STPG4: variants seen among roughly 807,000 people sequenced by gnomAD.
The protein encoded by STPG4 is sperm-tail PG-rich repeat containing 4.
A neutral mutation model predicts 31.5 loss-of-function variants in STPG4; 41 were observed. The ratio of observed to expected loss-of-function variants is 1.30; its 90% CI spans 1.01 to 1.69. The LOEUF (loss-of-function observed/expected upper bound fraction) is 1.69, where lower values mean the gene tolerates loss of function less well. Among genes scored for constraint, STPG4 ranks in the 40% most tolerant of loss-of-function variants. STPG4 has a pLI of 0.00. For missense variants in STPG4, 375 were observed against 293.4 expected, an observed-to-expected ratio of 1.28 and a Z score of -2.03; for synonymous variants, 141 against 103.0, an observed-to-expected ratio of 1.37 and a Z score of -2.24.
chr2:47,119,466 A>G (rs1686222724), intron 5 of STPG4, among the ~76,000 whole-genome samples: 1 of 152,322 alleles, frequency 6.6e-6, no homozygotes, highest in South Asian at 2.1e-4. Context: ...TACCAAGTAG[A>G]TTGTCCTGCC....
At chr2:47,102,384 G>A (rs1213721387) in intron 5 of STPG4, among the ~76,000 whole-genome samples, 2 of 151,856 alleles carry the variant, frequency 1.3e-5, no homozygotes, top group Non-Finnish European at 2.9e-5. Context: ...CCCTGAAAAA[G>A]AGGCAGCTCA....
intron 3 of STPG4, among the ~76,000 whole-genome samples, chr2:47,146,338 C>T (rs112939021): frequency 6.6e-5 from 10 of 152,018 alleles, no homozygotes; most frequent in African/African-American, 2.4e-4. Context: ...CAGAACAGCC[C>T]CCCGCCCCAC....
chr2:47,115,772 CCTTCCTAGTTGCTGGGATTACAGG>C (rs1686140960), intron 5 of STPG4, among the ~76,000 whole-genome samples: 1 of 151,442 alleles, frequency 6.6e-6, no homozygotes, highest in South Asian at 2.1e-4. Flanking sequence ...TCTGTCTCAG[CCTTCCTAGTTGCTGGGATTACAGG>C]CGCACGCTGC....
At chr2:47,096,940 TG>T (rs906715725) in intron 5 of STPG4, among the ~76,000 whole-genome samples, 1 of 152,112 alleles carries the variant, frequency 6.6e-6, no homozygotes, top group Non-Finnish European at 1.5e-5. Flanking sequence ...GGAGGGCTTA[TG>T]GTGAGTTCAC....
At chr2:47,121,920 G>T (rs1686280043) in intron 5 of STPG4, among the ~76,000 whole-genome samples, 1 of 149,592 alleles carries the variant, frequency 6.7e-6, no homozygotes, top group Non-Finnish European at 1.5e-5. Flanking sequence ...TGGAGTACAG[G>T]ATAATCTCCC....
chr2:47,096,173 T>C (rs777985739), intron 5 of STPG4, among the ~76,000 whole-genome samples: 3 of 152,192 alleles, frequency 2.0e-5, no homozygotes, highest in Non-Finnish European at 2.9e-5. Context: ...CCTCACATCC[T>C]AGCAAGGAAG....
rs145905261 is a variant in STPG4, at chr2:47,116,559, T to A, written c.519+13382A>T. On this transcript the variant is annotated intron_variant, in intron 5 of 6. Transcript: ENST00000445927. ...CTACTGTCTAAAAGCATAGCACACG[T>A]GTTCCATGCACTGAAAGAACAGTTA... 8.5e-5 allele frequency among the ~76,000 whole-genome samples: 13 copies of A among 152,342 alleles called. No individual in the cohort carries two copies. In the East Asian group the frequency reaches 2.5e-3, roughly 29 times the overall value.
chr2:47,141,202 T>C (rs765710394), intron 3 of STPG4, among the ~76,000 whole-genome samples: 4 of 152,152 alleles, frequency 2.6e-5, no homozygotes, highest in South Asian at 2.1e-4. Flanking sequence ...CAGGTCTTGA[T>C]AGAAATTTCT....
chr2:47,090,347 T>C lies in STPG4; in HGVS notation c.547A>G (p.Asn183Asp), dbSNP rs1270037045. The C allele has an allele frequency of 1.9e-6, 3 of 1,551,860 alleles. No individual in the cohort carries two copies. Among genetic ancestry groups the C allele is most frequent in the Non-Finnish European group, 2.6e-6 (3 of 1,146,868 alleles). Residue 183 changes from asparagine (N) to aspartate (D), a missense_variant, in exon 6 of 7, where the codon AAT becomes GAT. Coordinates refer to ENST00000445927, the MANE Select transcript of STPG4 (RefSeq NM_001163561.2). ...PHEGPGPGHY[N>D]VKMPPTSSVT... ...GAGCTTGTTGGAGGCATTTTCACAT[T>C]ATAATGACCTGGACCAGGGCCTTCA...
At chr2:47,107,379 T>C (rs1440884210) in intron 5 of STPG4, among the ~76,000 whole-genome samples, 1 of 152,104 alleles carries the variant, frequency 6.6e-6, no homozygotes, top group African/African-American at 2.4e-5. Context: ...TCGGAGCAGC[T>C]GGCCGGCCCT....
chr2:47,095,062 C>G (rs1312550867), intron 5 of STPG4, among the ~76,000 whole-genome samples: 1 of 152,216 alleles, frequency 6.6e-6, no homozygotes, highest in Non-Finnish European at 1.5e-5. Flanking sequence ...GTAGATGAAA[C>G]TGTCCCAAGT....
At chr2:47,091,363 G>A (rs1685566345) in intron 5 of STPG4, among the ~76,000 whole-genome samples, 1 of 152,220 alleles carries the variant, frequency 6.6e-6, no homozygotes, top group African/African-American at 2.4e-5. Flanking sequence ...GTTATTGGTT[G>A]TTGCAGGAAA....
chr2:47,113,011 AAAT>A (rs1686074031), intron 5 of STPG4, among the ~76,000 whole-genome samples: 1 of 132,590 alleles, frequency 7.5e-6, no homozygotes. Flanking sequence ...AAAAAAAAAA[AAAT>A]CACAAGTAAA....
At chr2:47,142,350 A>G (rs1423347373) in intron 3 of STPG4, among the ~76,000 whole-genome samples, 1 of 152,144 alleles carries the variant, frequency 6.6e-6, no homozygotes, top group South Asian at 2.1e-4. Context: ...CCATCTTCCA[A>G]GGCAATGCTA....
intron 3 of STPG4, among the ~76,000 whole-genome samples, chr2:47,147,300 G>C (rs1349721393): frequency 1.3e-5 from 2 of 152,190 alleles, no homozygotes; most frequent in African/African-American, 4.8e-5. Context: ...ACCCAGGGTT[G>C]TGGCTTTGCC....
At chr2:47,151,900 C>T (rs956779039) in intron 2 of STPG4, among the ~76,000 whole-genome samples, 1 of 138,402 alleles carries the variant, frequency 7.2e-6, no homozygotes, top group African/African-American at 2.6e-5. Context: ...GCCACTACGC[C>T]CGGCTAGTTT....
At chr2:47,115,651 G>GTTTTTT (rs1558678003) in intron 5 of STPG4, among the ~76,000 whole-genome samples, 1 of 90,406 alleles carries the variant, frequency 1.1e-5, no homozygotes, top group African/African-American at 3.5e-5. Flanking sequence ...CACATTAAAG[G>GTTTTTT]CTTTTTTTTT....
At chr2:47,149,320 A>T (rs1686892896) in intron 3 of STPG4, among the ~76,000 whole-genome samples, 1 of 152,236 alleles carries the variant, frequency 6.6e-6, no homozygotes, top group Admixed American at 6.5e-5. Context: ...TCTCCTTTCA[A>T]CACTGGGCCT....
chr2:47,155,188 A>G lies in STPG4; in HGVS notation c.64T>C (p.Ser22Pro). The change falls in exon 1 of 7, where the codon TCA becomes CCA. Residue 22 changes from serine to proline, a missense_variant. By Grantham distance (74) the Ser-to-Pro change is moderately conservative. Transcript: ENST00000445927. ...CATCTTACCGAAGCTGTGATGAATG[A>G]TTCTCCACCCACCAGGTCTTCCCTT... ...SIREDLVGGESFITASKPAQK... is the reference protein window; with the variant it reads ...SIREDLVGGEPFITASKPAQK... 2 of 1,614,094 alleles carry G rather than the reference A, an allele frequency of 1.2e-6. No homozygotes were observed. The highest frequency in any genetic ancestry group is 1.7e-6 in the Non-Finnish European group (2 of 1,180,010).
Sources: gnomAD v4.1 joint callset for allele counts (sites outside exome capture counted in the v4.1 genomes callset) on GRCh38, gnomAD v4.1.1 for gene constraint, MANE v1.5 for transcripts, NCBI Gene and HGNC (gene_info 2026-07-23, HGNC 2026-07-21) for gene names.